Variants in FNBP1 observed in about 807,000 individuals in gnomAD.
FNBP1 encodes the protein formin-binding protein 1.
Under a neutral mutation model 90.6 loss-of-function variants are expected in FNBP1, and 26 were observed. The ratio of observed to expected loss-of-function variants is 0.29; its 90% CI spans 0.21 to 0.40. The LOEUF (loss-of-function observed/expected upper bound fraction) is 0.40. FNBP1 is among the 10% of genes least tolerant of loss of function. The pLI, the probability that FNBP1 is intolerant of heterozygous loss-of-function variation, is 1.00. For missense variants in FNBP1, 635 were observed against 768.0 expected, an observed-to-expected ratio of 0.83 and a Z score of 2.05; for synonymous variants, 260 against 265.2, an observed-to-expected ratio of 0.98 and a Z score of 0.19.
intron 1 of FNBP1, among the ~76,000 whole-genome samples, chr9:130,014,437 A>G (rs1052452025): frequency 6.6e-6 from 1 of 151,670 alleles, no homozygotes; most frequent in African/African-American, 2.4e-5. Flanking sequence ...TTTTTAGTAG[A>G]GATGGGGTTT....
chr9:130,047,181 TA>T (rs1210022413), upstream of FNBP1, among the ~76,000 whole-genome samples: 8 of 150,500 alleles, frequency 5.3e-5, no homozygotes, highest in Non-Finnish European at 1.0e-4. Flanking sequence ...ACCCAGTCTC[TA>T]AAAAAAAATA....
At chr9:130,050,646 C>G in the FNBP1 span, among the ~76,000 whole-genome samples, 6 of 150,086 alleles carry the variant, frequency 4.0e-5, 1 homozygote, top group East Asian at 1.2e-3. Flanking sequence ...TATCAATCAA[C>G]TCTTTTTTTT....
At chr9:130,038,134 C>A (rs488653) in intron 1 of FNBP1, among the ~76,000 whole-genome samples, 1 of 151,874 alleles carries the variant, frequency 6.6e-6, no homozygotes, top group Non-Finnish European at 1.5e-5. Flanking sequence ...GTGGGCAGAT[C>A]ACGAGGTCAG....
intron 1 of FNBP1, among the ~76,000 whole-genome samples, chr9:130,037,345 C>T (rs903408792): frequency 6.6e-6 from 1 of 151,986 alleles, no homozygotes; most frequent in African/African-American, 2.4e-5. Context: ...CTGAGCAAAA[C>T]TCCATCTCGA....
intron 2 of FNBP1, among the ~76,000 whole-genome samples, chr9:129,984,828 C>T (rs1404734128): frequency 6.6e-6 from 1 of 152,126 alleles, no homozygotes; most frequent in African/African-American, 2.4e-5. Flanking sequence ...TTGCTTCTTC[C>T]TCATTTTCCC....
rs552285816 is a variant in FNBP1 at position 130,028,082 on chromosome 9, C to T, written c.24+14870G>A. 9.8e-5 allele frequency among the ~76,000 whole-genome samples: 15 copies of T among 152,292 alleles called. No homozygotes were observed. The South Asian group carries it at 3.1e-3, about 32-fold the overall frequency. On this transcript the variant is annotated intron_variant, in intron 1 of 16. Transcript: ENST00000446176. Reference sequence around the variant, plus strand: ...ACCATGCCTGGGGGCATCACTTTAACCATACTCTATTGGTCAAGGCTGTCA... The same window carrying T: ...ACCATGCCTGGGGGCATCACTTTAATCATACTCTATTGGTCAAGGCTGTCA...
At chr9:129,944,354 A>T (rs932185139) in intron 6 of FNBP1, among the ~76,000 whole-genome samples, 5 of 152,086 alleles carry the variant, frequency 3.3e-5, no homozygotes, top group South Asian at 2.1e-4. Context: ...CATCCAGGCC[A>T]ACCTGGAGAA....
At chr9:130,007,250 AAAAAAAAG>A (rs2055877813) in intron 1 of FNBP1, among the ~76,000 whole-genome samples, 1 of 148,842 alleles carries the variant, frequency 6.7e-6, no homozygotes, top group Admixed American at 6.6e-5. Context: ...AAAAAAAAAA[AAAAAAAAG>A]AAAAAAAAAA....
chr9:129,891,180 T>C (rs115405146), intron 16 of FNBP1, among the ~76,000 whole-genome samples: 6,193 of 142,320 alleles, frequency 0.044, 431 homozygotes, highest in African/African-American at 0.15. Flanking sequence ...GAAACGGAGG[T>C]TGGGTGCAGT....
intron 16 of FNBP1, among the ~76,000 whole-genome samples, chr9:129,891,357 G>A (rs75339703): frequency 0.021 from 3,221 of 152,168 alleles, 112 homozygotes; most frequent in African/African-American, 0.074. Context: ...CCGGCTATTC[G>A]GGAAGATGAG....
chr9:130,017,934 G>C (rs1230377739), intron 1 of FNBP1, among the ~76,000 whole-genome samples: 2 of 93,866 alleles, frequency 2.1e-5, no homozygotes, highest in African/African-American at 8.3e-5. Flanking sequence ...TTTTTTTTGA[G>C]ACAGAGTTTC....
intron 1 of FNBP1, among the ~76,000 whole-genome samples, chr9:130,006,013 G>T (rs2055647589): frequency 6.6e-6 from 1 of 152,070 alleles, no homozygotes; most frequent in South Asian, 2.1e-4. Context: ...GACAAAAAGG[G>T]GCTCCAGCAC....
At chr9:129,961,436 G>C (rs1053370183) in intron 4 of FNBP1, among the ~76,000 whole-genome samples, 5 of 152,120 alleles carry the variant, frequency 3.3e-5, no homozygotes, top group Admixed American at 2.0e-4. Context: ...AGTATAAAGT[G>C]GATAGTTAAA....
chr9:130,023,072 A>C (rs2058002324), intron 1 of FNBP1, among the ~76,000 whole-genome samples: 1 of 152,188 alleles, frequency 6.6e-6, no homozygotes, highest in South Asian at 2.1e-4. Context: ...AGATATTATA[A>C]GTGGTAAAAG....
At chr9:129,951,990 G>A (rs1253372348) in intron 6 of FNBP1, among the ~76,000 whole-genome samples, 1 of 151,456 alleles carries the variant, frequency 6.6e-6, no homozygotes, top group African/African-American at 2.4e-5. Context: ...GCAGGAGTTC[G>A]AGACCAGCCT....
At chr9:129,929,783 G>A (rs1453959946) in intron 6 of FNBP1, 88 bp from the exon 7 acceptor site, 9 of 1,225,324 alleles carry the variant, frequency 7.3e-6, no homozygotes, top group Non-Finnish European at 1.0e-5. Context: ...ACTGCACACT[G>A]GGATGCCTAG....
intron 1 of FNBP1, among the ~76,000 whole-genome samples, chr9:130,018,188 A>T (rs1357196890): frequency 6.6e-6 from 1 of 151,504 alleles, no homozygotes; most frequent in Non-Finnish European, 1.5e-5. Context: ...TGCTGGGATT[A>T]CAGGCCTGAG....
chr9:129,907,085 G>GTT lies in FNBP1; in HGVS notation c.1295+1803_1295+1804dup, dbSNP rs11431682. On this transcript the variant is annotated intron_variant, in intron 12 of 16. Transcript: ENST00000446176. ...GAGCCACTGCGCCTGGCCCAAGCAC[G>GTT]TTTTTTTTTTTTCTTTCCTTTTATT... 6.1e-3 allele frequency among the ~76,000 whole-genome samples: 901 copies of GTT among 147,586 alleles called. 5 individuals carry two copies. Among genetic ancestry groups the GTT allele is most frequent in the Middle Eastern group, 0.014 (4 of 288 alleles).
At chr9:129,931,212 C>T (rs940727463) in intron 6 of FNBP1, among the ~76,000 whole-genome samples, 10 of 152,122 alleles carry the variant, frequency 6.6e-5, no homozygotes, top group Admixed American at 1.3e-4. Context: ...AGGAGGATTG[C>T]TTGAGCCTGG....
Sources: allele counts gnomAD v4.1 joint callset (sites outside exome capture counted in the v4.1 genomes callset), GRCh38; gene constraint gnomAD v4.1.1; transcripts MANE v1.5; gene names NCBI Gene and HGNC (gene_info 2026-07-23, HGNC 2026-07-21).